Variants in MYH15 observed in about 807,000 individuals in gnomAD.
The protein encoded by MYH15 is myosin-15.
A neutral mutation model predicts 240.5 loss-of-function variants in MYH15; 227 were observed. The observed-to-expected ratio is 0.94, with a 90% CI of 0.85 to 1.05. The LOEUF is 1.05. MYH15 is among the 50% of genes least tolerant of loss of function. The probability of loss-of-function intolerance (pLI) is 0.00; values close to 1 mark genes in which losing one functional copy is unlikely to be tolerated. For missense variants in MYH15, 2,217 were observed against 2,247.5 expected (o/e 0.99, Z 0.27); for synonymous variants, 785 against 796.7 (o/e 0.99, Z 0.25).
chr3:108,535,288 C>T, the MYH15 span, among the ~76,000 whole-genome samples: 1 of 151,598 alleles, frequency 6.6e-6, no homozygotes, highest in African/African-American at 2.4e-5. Flanking sequence ...TTATTTCTCA[C>T]AGCTTTGGAT....
At chr3:108,392,173 AG>A (rs1379006507) in intron 36 of MYH15, among the ~76,000 whole-genome samples, 1 of 152,234 alleles carries the variant, frequency 6.6e-6, no homozygotes, top group African/African-American at 2.4e-5. Context: ...CTAAAGATGA[AG>A]AAACATATGA....
At chr3:108,545,008 TCTC>T in the MYH15 span, among the ~76,000 whole-genome samples, 1 of 152,044 alleles carries the variant, frequency 6.6e-6, no homozygotes, top group Non-Finnish European at 1.5e-5. Context: ...TTCCTCATAA[TCTC>T]CTCCAGGAAA....
rs150724611 is a variant in MYH15, at chr3:108,434,253, G to C, written c.3221+3301C>G. 5.5e-3 allele frequency among the ~76,000 whole-genome samples: 810 copies of C among 146,004 alleles called. 7 individuals are homozygous for C. The highest frequency in any genetic ancestry group is 0.016 in the African/African-American group (617 of 39,520). On this transcript the variant is annotated intron_variant, in intron 25 of 40. Transcript: ENST00000693548. ...GCTGGAGTGCAATGGTGTGATCTCA[G>C]CTCAGCTCAATCTCTGCCTCCCAGG... is the stretch of plus-strand genomic sequence containing the variant.
intron 38 of MYH15, among the ~76,000 whole-genome samples, chr3:108,385,205 G>C (rs2082372222): frequency 6.6e-6 from 1 of 152,184 alleles, no homozygotes; most frequent in Non-Finnish European, 1.5e-5. Context: ...ATAAAAAGCT[G>C]TATCTTTATT....
chr3:108,459,428 T>A lies in MYH15; in HGVS notation c.1954A>T (p.Thr652Ser), dbSNP rs2083052741. 1.2e-6 allele frequency: 2 copies of A among 1,604,890 alleles called. No homozygotes were observed. The highest frequency in any genetic ancestry group is 2.7e-5 in the African/African-American group (2 of 74,570). ...TGAGGTGCTGTTGATTTCAGATTAG[T>A]CATCAATTTATTCAGGTTTTCCTAA... Reference protein sequence around the residue: ...LHKENLNKLMTNLKSTAPHFV... With the variant: ...LHKENLNKLMSNLKSTAPHFV... Residue 652 changes from threonine (T) to serine (S), a missense_variant, in exon 18 of 41, where the codon ACT becomes TCT. By Grantham distance (58) the Thr-to-Ser change is moderately conservative. Transcript: ENST00000693548.
chr3:108,417,739 A>G (rs981594915), intron 28 of MYH15, among the ~76,000 whole-genome samples: 2 of 150,808 alleles, frequency 1.3e-5, no homozygotes, highest in Non-Finnish European at 3.0e-5. Context: ...TTCTGACACT[A>G]TTTTCCTGGA....
rs1232582582 is a variant in MYH15 at position 108,485,115 on chromosome 3, G to T, written c.1090C>A (p.Gln364Lys). Reference protein sequence around the residue: ...MKFKQKPREEQLEADGTENAD... With the variant: ...MKFKQKPREEKLEADGTENAD... ...CTTTCTGTGCCATCTGCTTCCAGTT[G>T]CTCTTCTCTAGGTTTCTGTTTAAAT... The change falls in exon 11 of 41, where the codon CAA becomes AAA. Residue 364 changes from glutamine (Q) to lysine (K), a missense_variant. Transcript: ENST00000693548. The T allele has an allele frequency of 1.2e-5, 19 of 1,613,962 alleles. No individual in the cohort carries two copies. Among genetic ancestry groups the T allele is most frequent in the Non-Finnish European group, 1.5e-5 (18 of 1,179,914 alleles).
chr3:108,518,510 A>T (rs2083591570), intron 1 of MYH15, among the ~76,000 whole-genome samples: 2 of 152,210 alleles, frequency 1.3e-5, no homozygotes, highest in Non-Finnish European at 2.9e-5. Context: ...GTACTATCTT[A>T]TTTAAAATCA....
At chr3:108,447,769 A>G (rs2082940624) in intron 21 of MYH15, among the ~76,000 whole-genome samples, 1 of 152,144 alleles carries the variant, frequency 6.6e-6, no homozygotes, top group Non-Finnish European at 1.5e-5. Flanking sequence ...AACCACACAA[A>G]AATATATAAA....
intron 35 of MYH15, among the ~76,000 whole-genome samples, chr3:108,396,992 T>A (rs2082466854): frequency 6.6e-6 from 1 of 152,224 alleles, no homozygotes; most frequent in Non-Finnish European, 1.5e-5. Context: ...ATGCCAGTGG[T>A]ATTTCCCAGT....
intron 16 of MYH15, among the ~76,000 whole-genome samples, chr3:108,462,195 T>C (rs567950651): frequency 6.6e-6 from 1 of 152,260 alleles, no homozygotes; most frequent in South Asian, 2.1e-4. Flanking sequence ...TGTATGTAGT[T>C]AGCATTTCGT....
chr3:108,520,265 A>G (rs1484861217), intron 1 of MYH15, among the ~76,000 whole-genome samples: 1 of 152,214 alleles, frequency 6.6e-6, no homozygotes, highest in Non-Finnish European at 1.5e-5. Context: ...CTATGAATAC[A>G]CCATCTTTTT....
At chr3:108,486,666 C>G (rs903803144) in intron 9 of MYH15, 140 bp from the exon 10 acceptor site, 1 of 492,712 alleles carries the variant, frequency 2.0e-6, no homozygotes, top group Admixed American at 3.3e-5. Flanking sequence ...ATTTTAGACC[C>G]AAACTTCTAC....
chr3:108,434,349 A>G (rs1258414649), intron 25 of MYH15, among the ~76,000 whole-genome samples: 1 of 151,384 alleles, frequency 6.6e-6, no homozygotes, highest in African/African-American at 2.4e-5. Context: ...AGCCTGACTA[A>G]TTTTGTATTT....
At position 108,398,660 on chromosome 3, in the gene MYH15, T is replaced by C; in HGVS notation, c.5110A>G (p.Arg1704Gly). 1 of 1,613,480 alleles carries C rather than the reference T, an allele frequency of 6.2e-7. No individual in the cohort carries two copies. The highest frequency in any genetic ancestry group is 2.2e-5 in the East Asian group (1 of 44,880). Reference sequence around the variant, plus strand: ...ACCTGGGTATAGAAAAGATTGATTCTTTCTGTTGCTTCCAGGAGCTCTTCT... The same window carrying C: ...ACCTGGGTATAGAAAAGATTGATTCCTTCTGTTGCTTCCAGGAGCTCTTCT... ...SEEELLEATE[R>G]INLFYTQNTS... The change falls in exon 35 of 41, where the codon AGA (arginine) becomes GGA (glycine). Residue 1704 changes from arginine (R) to glycine (G), a missense_variant. Physicochemically the swap from Arg to Gly is moderately radical, Grantham distance 125. Transcript: ENST00000693548.
Position 108,380,868 on chromosome 3 carries a change from T to C in MYH15, c.*677A>G, listed in dbSNP as rs2082337091. ...CATGAGAGAGAGGAATTCCGGGACA[T>C]GTTCCTCCAGCTGAGCCAAATCGGT... On this transcript the variant is annotated 3_prime_UTR_variant, in exon 41 of 41. Transcript: ENST00000693548. The C allele has an allele frequency of 6.6e-6, 1 of 152,434 alleles. No individual in the cohort carries two copies. Among genetic ancestry groups the C allele is most frequent in the Non-Finnish European group, 1.5e-5 (1 of 68,230 alleles). 9.4% of individuals were successfully genotyped at this position (152,434 alleles called of 1,614,324 possible). A position where few individuals can be genotyped will look rare whatever the true frequency, so the allele number is the denominator to read the frequency against.
At chr3:108,497,922 C>G (rs1424320358) in intron 6 of MYH15, 130 bp downstream of exon 6, 1 of 674,508 alleles carries the variant, frequency 1.5e-6, no homozygotes, top group African/African-American at 1.8e-5. Context: ...TAAAAAAATA[C>G]TTTTCTATAA....
At chr3:108,393,728 A>G (rs1201105729) in intron 36 of MYH15, among the ~76,000 whole-genome samples, 2 of 152,282 alleles carry the variant, frequency 1.3e-5, no homozygotes, top group East Asian at 3.8e-4. Flanking sequence ...TCTAGACACT[A>G]GATGTATTGA....
At chr3:108,407,281 G>A (rs536959856) in intron 32 of MYH15, among the ~76,000 whole-genome samples, 30 of 152,204 alleles carry the variant, frequency 2.0e-4, no homozygotes, top group African/African-American at 6.5e-4. Context: ...GTTTTCCATC[G>A]CCATACCTTC....
Sources: allele counts gnomAD v4.1 joint callset (sites outside exome capture counted in the v4.1 genomes callset), GRCh38; gene constraint gnomAD v4.1.1; transcripts MANE v1.5; gene names NCBI Gene and HGNC (gene_info 2026-07-23, HGNC 2026-07-21).